The following TOM1 variants were observed in gnomAD, a reference collection of about 807,000 sequenced individuals.
TOM1 encodes the protein target of myb1 membrane trafficking protein, also known as target of Myb protein 1.
A neutral mutation model predicts 61.3 loss-of-function variants in TOM1; 38 were observed. The ratio of observed to expected loss-of-function variants is 0.62; its 90% CI spans 0.48 to 0.81. The LOEUF is 0.81. Ranked by LOEUF, TOM1 falls within the 40% of genes least tolerant of loss-of-function variation. The probability of loss-of-function intolerance (pLI) is 0.00; values close to 1 mark genes in which losing one functional copy is unlikely to be tolerated. For missense variants in TOM1, 591 were observed against 659.6 expected (o/e 0.90, Z 1.14); for synonymous variants, 270 against 268.8 (o/e 1.00, Z -0.04).
intron 1 of TOM1, among the ~76,000 whole-genome samples, chr22:35,309,745 T>G (rs2145618704): frequency 6.6e-6 from 1 of 152,304 alleles, no homozygotes; most frequent in East Asian, 1.9e-4. Context: ...AGTAGTGGCT[T>G]CTTCTGTATT....
At chr22:35,333,843 G>A (rs1929048561) in intron 10 of TOM1, among the ~76,000 whole-genome samples, 2 of 152,122 alleles carry the variant, frequency 1.3e-5, no homozygotes, top group African/African-American at 2.4e-5. Context: ...TAGGGAGCTC[G>A]TGTATGAGAA....
In TOM1 at chr22:35,323,439, T is replaced by C; in HGVS notation, c.367-57T>C. ...GTCTGTTCTCTGTCTGAGTGCCAGG[T>C]GGGCAGGCTCACAGGTGAGCTGTGG... On this transcript the variant is annotated intron_variant, in intron 4 of 14. Transcript: ENST00000449058. The surrounding 1 kb of genome is among the most constrained non-coding windows in gnomAD (Gnocchi z 4.2). 6.3e-7 allele frequency: 1 copy of C among 1,582,824 alleles called. No homozygotes were observed. Among genetic ancestry groups the C allele is most frequent in the Non-Finnish European group, 8.6e-7 (1 of 1,164,904 alleles).
In TOM1 at chr22:35,317,948, G is replaced by A. The variant is rs748134719; in HGVS notation, c.124G>A (p.Glu42Lys). Residue 42 changes from glutamate (E) to lysine (K), a missense_variant, in exon 2 of 15, where the codon GAG becomes AAG. Physicochemically the swap from Glu to Lys is moderately conservative, Grantham distance 56. Transcript: ENST00000449058. ...CATGGAGATCTGCGACATCATCAAC[G>A]AGACGGAGGAAGGGTAAGGGCCCCC... ...LNMEICDIINETEEGPKDALR... is the reference protein window; with the variant it reads ...LNMEICDIINKTEEGPKDALR... 7 of 1,614,082 alleles carry A rather than the reference G, an allele frequency of 4.3e-6. No individual in the cohort carries two copies. Among genetic ancestry groups the A allele is most frequent in the African/African-American group, 1.3e-5 (1 of 75,020 alleles).
chr22:35,324,013 C>G, intron 6 of TOM1, 99 bp downstream of exon 6: 18 of 1,414,644 alleles, frequency 1.3e-5, no homozygotes, highest in Non-Finnish European at 1.7e-5. Flanking sequence ...GGAGCCTCCA[C>G]TTCTTCCTCA....
At chr22:35,346,545 C>T (rs1247159364) in intron 13 of TOM1, among the ~76,000 whole-genome samples, 1 of 152,170 alleles carries the variant, frequency 6.6e-6, no homozygotes, top group Non-Finnish European at 1.5e-5. Flanking sequence ...GGGGTGAGGA[C>T]CACCCACCCC....
At chr22:35,326,011 G>T (rs946154332) in intron 6 of TOM1, among the ~76,000 whole-genome samples, 1 of 152,160 alleles carries the variant, frequency 6.6e-6, no homozygotes, top group East Asian at 1.9e-4. Context: ...GGTTTTGGAA[G>T]GTGTCAGTGA....
chr22:35,327,120 G>T, intron 6 of TOM1, 151 bp from the exon 7 acceptor site: 1 of 705,564 alleles, frequency 1.4e-6, no homozygotes, highest in East Asian at 2.6e-5. Context: ...CTGTCACTTT[G>T]GGAGCCAGGA....
At chr22:35,346,761 G>A (rs562993784) in intron 13 of TOM1, among the ~76,000 whole-genome samples, 169 bp from the exon 14 acceptor site, 1 of 152,282 alleles carries the variant, frequency 6.6e-6, no homozygotes, top group African/African-American at 2.4e-5. Flanking sequence ...CTACGGCTCA[G>A]GGAGGAGCCC....
In TOM1 at chr22:35,333,024, T is replaced by A; in HGVS notation, c.933+10T>A. On this transcript the variant is annotated intron_variant, in intron 9 of 14. Transcript: ENST00000449058. ...AGGCCAGACCACCAAGGTAAAAGTCTTCTTTTCTGTGACTAGATCAGGCCC... is the reference window on the plus strand; with the variant it reads ...AGGCCAGACCACCAAGGTAAAAGTCATCTTTTCTGTGACTAGATCAGGCCC... The A allele has an allele frequency of 6.2e-7, 1 of 1,613,420 alleles. No homozygotes were observed. Among genetic ancestry groups the A allele is most frequent in the Non-Finnish European group, 8.5e-7 (1 of 1,179,972 alleles).
In TOM1 at chr22:35,337,552, G is replaced by C. The variant is rs1019009432; in HGVS notation, c.1149-1161G>C. Among the ~76,000 whole-genome samples, 23 of 152,332 alleles carry C rather than the reference G, an allele frequency of 1.5e-4. 1 individual carries two copies. The highest frequency in any genetic ancestry group is 5.2e-4 in the Admixed American group (8 of 15,300). On this transcript the variant is annotated intron_variant, in intron 11 of 14. Transcript: ENST00000449058. ...AGCAAACTCTGCCCCTGGTGGGAAG[G>C]AACAGACAGCAGCACTCTTCAAAAT...
intron 1 of TOM1, among the ~76,000 whole-genome samples, chr22:35,317,364 T>C (rs1002344407): frequency 6.6e-6 from 1 of 151,996 alleles, no homozygotes; most frequent in Admixed American, 6.6e-5. Flanking sequence ...TACTTTTTTG[T>C]AGTTAGTAAA....
intron 10 of TOM1, 119 bp from the exon 11 acceptor site, chr22:35,334,209 C>G: frequency 7.1e-7 from 1 of 1,402,640 alleles, no homozygotes; most frequent in Non-Finnish European, 9.6e-7. Context: ...CGCGCATTCC[C>G]CCACCCACAC....
At chr22:35,345,577 C>A in intron 12 of TOM1, 148 bp from the exon 13 acceptor site, 2 of 727,908 alleles carry the variant, frequency 2.7e-6, no homozygotes, top group Non-Finnish European at 4.8e-6. Flanking sequence ...CAGCCTGGCA[C>A]AGCGGGCCCA....
chr22:35,341,260 C>T (rs551961261), intron 12 of TOM1, among the ~76,000 whole-genome samples: 14 of 152,328 alleles, frequency 9.2e-5, no homozygotes, highest in Admixed American at 7.8e-4. Flanking sequence ...GTACTGTCCT[C>T]GGTATGGTGC....
At chr22:35,313,397 A>G (rs932653034) in intron 1 of TOM1, among the ~76,000 whole-genome samples, 1 of 151,642 alleles carries the variant, frequency 6.6e-6, no homozygotes, top group Non-Finnish European at 1.5e-5. Flanking sequence ...CCCATCTCTG[A>G]TCCTGCCCGT....
rs747330668 is a variant in TOM1, at chr22:35,322,031, T to C, written c.210T>C (p.Ala70=). Residue 70 remains alanine, a synonymous_variant, in exon 3 of 15, where the codon GCT becomes GCC. Coordinates refer to ENST00000449058, the MANE Select transcript of TOM1 (RefSeq NM_005488.3). The part of the protein sequence containing the change: ...GNKNFHEVML[A]LTVLETCVKN... ...AGAACTTCCACGAGGTGATGCTGGC[T>C]CTCACAGTGAGTGCCCCATCTGTCT... 1.2e-6 allele frequency: 2 copies of C among 1,613,890 alleles called. No individual in the cohort carries two copies. The highest frequency in any genetic ancestry group is 3.3e-5 in the Admixed American group (2 of 60,018).
intron 1 of TOM1, among the ~76,000 whole-genome samples, chr22:35,306,597 C>G (rs1445288269): frequency 1.3e-5 from 2 of 152,186 alleles, no homozygotes; most frequent in Non-Finnish European, 2.9e-5. Flanking sequence ...CCTCTCTGTT[C>G]TTCAATGTCC....
chr22:35,322,311 G>A lies in TOM1; in HGVS notation c.216+274G>A, dbSNP rs896993841. On this transcript the variant is annotated intron_variant, in intron 3 of 14. Transcript: ENST00000449058. ...AGAGCCTGGGCCAAAGGACCTGTGG[G>A]TGACATTGAAGCTCAGTAAACCCAG... The A allele has an allele frequency of 4.3e-5, 19 of 439,706 alleles. 1 individual carries two copies. The highest frequency in any genetic ancestry group is 1.2e-3 in the Middle Eastern group (2 of 1,684). The allele number at this position is 439,706 out of a possible 1,614,324, so 27.2% of individuals were successfully genotyped here. A position where few individuals can be genotyped will look rare whatever the true frequency, so the allele number is the denominator to read the frequency against.
chr22:35,303,910 G>A (rs1926082616), intron 1 of TOM1, among the ~76,000 whole-genome samples: 1 of 152,176 alleles, frequency 6.6e-6, no homozygotes, highest in Non-Finnish European at 1.5e-5. Flanking sequence ...CAGGAACTGT[G>A]CCTTATTTCT....
Sources: gnomAD v4.1 joint callset for allele counts (sites outside exome capture counted in the v4.1 genomes callset) on GRCh38, gnomAD v4.1.1 for gene constraint, Gnocchi (gnomAD v3.1) non-coding constraint, MANE v1.5 for transcripts, NCBI Gene and HGNC (gene_info 2026-07-23, HGNC 2026-07-21) for gene names.